The following PRICKLE2 variants were observed in gnomAD, a reference collection of about 807,000 sequenced individuals.
PRICKLE2 encodes prickle-like protein 2.
A neutral mutation model predicts 81.4 loss-of-function variants in PRICKLE2; 21 were observed. The ratio of observed to expected loss-of-function variants is 0.26; its 90% CI spans 0.18 to 0.37. The LOEUF is 0.37. Among genes scored for constraint, PRICKLE2 ranks in the 10% least tolerant of loss-of-function variants. The pLI is 1.00. For missense variants in PRICKLE2, 940 were observed against 1,109.0 expected (o/e 0.85, Z 2.16); for synonymous variants, 456 against 421.5 (o/e 1.08, Z -1.00).
In PRICKLE2 at chr3:64,211,726, G is replaced by A. The variant is rs554414087; in HGVS notation, c.-40-12759C>T. Among the ~76,000 whole-genome samples, 18 of 152,264 alleles carry A rather than the reference G, an allele frequency of 1.2e-4. No individual in the cohort carries two copies. In the East Asian group the frequency reaches 2.5e-3, roughly 21 times the overall value. On this transcript the variant is annotated intron_variant, in intron 1 of 7. Coordinates refer to ENST00000638394, the MANE Select transcript of PRICKLE2 (RefSeq NM_198859.4). The stretch of plus-strand genomic sequence containing the variant: ...AAACAAAGAAAGTGGTTGGTACTGC[G>A]ACTCTTTTGTTAGGCCATCATTAAT...
At chr3:64,148,788 A>T (rs936384851) in intron 6 of PRICKLE2, among the ~76,000 whole-genome samples, 9 of 152,164 alleles carry the variant, frequency 5.9e-5, no homozygotes, top group African/African-American at 2.2e-4. Context: ...GAAACAAAAA[A>T]CAGGCCCTCA....
chr3:64,247,811 A>ATT (rs1045500485), intron 2 of PRICKLE2, among the ~76,000 whole-genome samples: 7 of 152,210 alleles, frequency 4.6e-5, no homozygotes, highest in African/African-American at 1.7e-4. Flanking sequence ...AATTAATTTA[A>ATT]TTAGGAGTTA....
chr3:64,262,536 A>T (rs2079631013), intron 2 of PRICKLE2, among the ~76,000 whole-genome samples: 1 of 152,014 alleles, frequency 6.6e-6, no homozygotes, highest in Admixed American at 6.5e-5. Context: ...CAGTGTAACA[A>T]GAAGCCATGG....
intron 1 of PRICKLE2, among the ~76,000 whole-genome samples, chr3:64,212,794 T>C (rs1284151859): frequency 2.0e-5 from 3 of 152,152 alleles, no homozygotes; most frequent in Admixed American, 1.3e-4. Context: ...TGTCTAGGGA[T>C]ACAAAGTCAA....
intron 7 of PRICKLE2, among the ~76,000 whole-genome samples, chr3:64,130,161 A>G (rs1288151926): frequency 6.6e-6 from 1 of 152,180 alleles, no homozygotes; most frequent in Non-Finnish European, 1.5e-5. Context: ...GTTGATGTTT[A>G]CTGTAGTTCA....
chr3:64,113,759 C>T (rs76067215), intron 7 of PRICKLE2, among the ~76,000 whole-genome samples: 6,142 of 152,100 alleles, frequency 0.04, 214 homozygotes, highest in Middle Eastern at 0.089. Context: ...CAGAGAACAG[C>T]GGACACCCCC....
intron 7 of PRICKLE2, among the ~76,000 whole-genome samples, chr3:64,127,088 G>T (rs696223): frequency 0.38 from 58,421 of 152,058 alleles, 11,631 homozygotes; most frequent in East Asian, 0.52. Flanking sequence ...ATTCCAGTAG[G>T]GCAGACAGGC....
chr3:64,146,902 T>C lies in PRICKLE2; in HGVS notation c.1588A>G (p.Thr530Ala). The change falls in exon 7 of 8, where the codon ACA (threonine) becomes GCA (alanine). Residue 530 changes from threonine (T) to alanine (A), a missense_variant. Thr to Ala is a moderately conservative substitution (Grantham distance 58). Transcript: ENST00000638394. ...TRHPISSLKY[T>A]EDMTPTEQTP... ...TGCTCTGTGGGCGTCATGTCCTCTG[T>C]GTATTTCAGGGAACTGATGGGATGA... The C allele has an allele frequency of 6.2e-7, 1 of 1,614,102 alleles. No homozygotes were observed. Among genetic ancestry groups the C allele is most frequent in the Non-Finnish European group, 8.5e-7 (1 of 1,180,006 alleles).
chr3:64,212,207 C>T (rs2078800024), intron 1 of PRICKLE2, among the ~76,000 whole-genome samples: 2 of 152,216 alleles, frequency 1.3e-5, no homozygotes, highest in African/African-American at 2.4e-5. Context: ...CCTCAGCTGC[C>T]TGTCAGACCT....
intron 7 of PRICKLE2, among the ~76,000 whole-genome samples, chr3:64,139,856 C>T (rs892983624): frequency 3.9e-5 from 6 of 152,186 alleles, no homozygotes; most frequent in Non-Finnish European, 8.8e-5. Context: ...CTTCCCCTAT[C>T]CCTGAAGCAT....
At chr3:64,135,681 G>A (rs2077266504) in intron 7 of PRICKLE2, among the ~76,000 whole-genome samples, 1 of 137,034 alleles carries the variant, frequency 7.3e-6, no homozygotes, top group African/African-American at 2.8e-5. Context: ...ACAGGACGAG[G>A]AACGATCACA....
chr3:64,177,422 C>G (rs2078045605), intron 2 of PRICKLE2, among the ~76,000 whole-genome samples: 1 of 152,052 alleles, frequency 6.6e-6, no homozygotes, highest in Non-Finnish European at 1.5e-5. Flanking sequence ...CGTGAGCCAC[C>G]ATGCCTGGCC....
intron 1 of PRICKLE2, among the ~76,000 whole-genome samples, chr3:64,221,946 A>G (rs960268326): frequency 1.3e-5 from 2 of 152,142 alleles, no homozygotes; most frequent in Non-Finnish European, 2.9e-5. Flanking sequence ...CTGCTATGTC[A>G]TTTTACTTGG....
At chr3:64,112,016 T>A (rs2076855681) in intron 7 of PRICKLE2, among the ~76,000 whole-genome samples, 2 of 152,136 alleles carry the variant, frequency 1.3e-5, no homozygotes, top group Admixed American at 1.3e-4. Flanking sequence ...ACACACACAC[T>A]TCCTCAACGG....
intron 1 of PRICKLE2, among the ~76,000 whole-genome samples, 200 bp downstream of exon 1, chr3:64,224,710 C>A (rs899959681): frequency 2.6e-5 from 4 of 152,102 alleles, no homozygotes; most frequent in African/African-American, 4.8e-5. Flanking sequence ...AGAGCTGTGA[C>A]ATAACACTTT....
rs552283546 is a variant in PRICKLE2 at position 64,243,307 on chromosome 3, T to G, written c.129-44340A>C. On this transcript the variant is annotated intron_variant, in intron 2 of 8. Coordinates refer to the PRICKLE2 transcript ENST00000295902. ...TTCTTTGTTGTTGGAGGCTGTGCCA[T>G]GTATTGCATGGTGTTCAGCAGTACC... Among the ~76,000 whole-genome samples the G allele has an allele frequency of 7.5e-4, 114 of 152,358 alleles. 1 individual carries two copies. Among genetic ancestry groups the G allele is most frequent in the Non-Finnish European group, 1.3e-4 (9 of 68,034 alleles).
intron 2 of PRICKLE2, among the ~76,000 whole-genome samples, chr3:64,246,702 T>C (rs1168219260): frequency 6.6e-6 from 1 of 152,230 alleles, no homozygotes; most frequent in Non-Finnish European, 1.5e-5. Context: ...GTTGCTGATA[T>C]GTGGATCACA....
chr3:64,165,065 T>A (rs1389987724), intron 2 of PRICKLE2, among the ~76,000 whole-genome samples: 2 of 152,310 alleles, frequency 1.3e-5, no homozygotes, highest in East Asian at 3.9e-4. Flanking sequence ...ATTGTCGTTA[T>A]GGAACATTAG....
At chr3:64,230,426 T>C (rs541747015), upstream of PRICKLE2, among the ~76,000 whole-genome samples, 3 of 152,268 alleles carry the variant, frequency 2.0e-5, no homozygotes, top group East Asian at 1.9e-4. Flanking sequence ...AAAGAAAATA[T>C]TGTAAATTTT....
Sources: allele counts gnomAD v4.1 joint callset (sites outside exome capture counted in the v4.1 genomes callset), GRCh38; gene constraint gnomAD v4.1.1; transcripts MANE v1.5; gene names NCBI Gene and HGNC (gene_info 2026-07-23, HGNC 2026-07-21).